Variants in PVT1 observed in about 807,000 individuals in gnomAD.
PVT1 encodes Pvt1 oncogene.
intron 4 of PVT1, among the ~76,000 whole-genome samples, chr8:128,044,011 ATTTATTT>A (rs745327185): frequency 3.1e-5 from 3 of 97,914 alleles, no homozygotes; most frequent in Non-Finnish European, 4.6e-5. Flanking sequence ...ATTATTATTT[ATTTATTT>A]TTTTTTTTTT....
intron 5 of PVT1, among the ~76,000 whole-genome samples, chr8:128,090,391 C>T (rs1244493378): frequency 6.6e-6 from 1 of 152,176 alleles, no homozygotes; most frequent in African/African-American, 2.4e-5. Flanking sequence ...TTACATTTCC[C>T]TTATTGTTCC....
rs202010788 is a variant in PVT1, at chr8:127,881,364, CTTA to C, written n.373-9211_373-9209del. 8.1e-3 allele frequency among the ~76,000 whole-genome samples: 1,220 copies of C among 149,858 alleles called. 15 individuals are homozygous for C. The highest frequency in any genetic ancestry group is 0.011 in the Non-Finnish European group (732 of 67,584). The stretch of plus-strand genomic sequence containing the variant: ...CTCCAGTGGACACATGTTTCTATTC[CTTA>C]TTATTATTATTATCATTTGTTTTTC... On this transcript the variant is annotated intron_variant and non_coding_transcript_variant, in intron 2 of 10. Transcript: ENST00000651587.
At chr8:127,831,323 G>A (rs1252338101) in intron 2 of PVT1, among the ~76,000 whole-genome samples, 2 of 151,954 alleles carry the variant, frequency 1.3e-5, no homozygotes, top group Non-Finnish European at 2.9e-5. Context: ...TGACTCCTAG[G>A]TTTTTGGCAT....
In PVT1 at chr8:127,812,240, A is replaced by C. The variant is rs145329724; in HGVS notation, n.372+16169A>C. Among the ~76,000 whole-genome samples the C allele has an allele frequency of 8.2e-3, 1,046 of 127,792 alleles. 11 individuals are homozygous for C. Among genetic ancestry groups the C allele is most frequent in the African/African-American group, 0.035 (955 of 27,538 alleles). 83.8% of individuals were successfully genotyped at this position (127,792 alleles called of 152,430 possible). On this transcript the variant is annotated intron_variant and non_coding_transcript_variant, in intron 2 of 10. Coordinates refer to ENST00000651587, the Ensembl canonical transcript of PVT1. ...GCAGGAAGGCAGGAAGGCAGGAAGGAAGGAAGGCAGGAAGGCAGGAAGGCA... is the reference window on the plus strand; with the variant it reads ...GCAGGAAGGCAGGAAGGCAGGAAGGCAGGAAGGCAGGAAGGCAGGAAGGCA...
At chr8:127,975,434 A>C (rs1013941897) in intron 3 of PVT1, among the ~76,000 whole-genome samples, 2 of 151,948 alleles carry the variant, frequency 1.3e-5, no homozygotes, top group African/African-American at 4.8e-5. Context: ...GTGTTTACCA[A>C]CTCTCTTTGG....
At chr8:127,850,823 A>T (rs546709834) in intron 2 of PVT1, among the ~76,000 whole-genome samples, 273 of 152,276 alleles carry the variant, frequency 1.8e-3, no homozygotes, top group Non-Finnish European at 3.0e-3. Flanking sequence ...GTTCAAGACC[A>T]GCCTGGCCAA....
chr8:127,972,699 A>G (rs1485421460), intron 3 of PVT1, among the ~76,000 whole-genome samples: 2 of 152,136 alleles, frequency 1.3e-5, no homozygotes, highest in African/African-American at 4.8e-5. Flanking sequence ...AGATCCCGCT[A>G]TTGCACTCTA....
intron 3 of PVT1, among the ~76,000 whole-genome samples, chr8:127,958,229 TTTTTC>T (rs1255175753): frequency 1.3e-5 from 2 of 151,932 alleles, no homozygotes; most frequent in Non-Finnish European, 2.9e-5. Context: ...TCTTTTTTTG[TTTTTC>T]TTTTCTTTTC....
intron 3 of PVT1, among the ~76,000 whole-genome samples, chr8:127,966,122 G>C (rs1208463818): frequency 2.6e-5 from 4 of 152,186 alleles, no homozygotes; most frequent in African/African-American, 9.7e-5. Flanking sequence ...CAATGTAGCT[G>C]ATGGTTTCAT....
Position 128,009,263 on chromosome 8 carries a change from C to T in PVT1, n.912+19972C>T, listed in dbSNP as rs546601757. On this transcript the variant is annotated intron_variant and non_coding_transcript_variant, in intron 4 of 10. Coordinates refer to ENST00000651587, the Ensembl canonical transcript of PVT1. ...AATGACAAGCTTTTCAGAATTTCCA[C>T]GACTAAAAATTGTTTTAGCTGCAGC... 7.2e-5 allele frequency among the ~76,000 whole-genome samples: 11 copies of T among 152,138 alleles called. No homozygotes were observed. In the East Asian group the frequency reaches 7.7e-4, roughly 11 times the overall value.
chr8:128,078,148 T>C lies in PVT1; in HGVS notation n.1114+7787T>C, dbSNP rs370867573. Among the ~76,000 whole-genome samples the C allele has an allele frequency of 4.9e-4, 74 of 152,266 alleles. 1 individual carries two copies. Among genetic ancestry groups the C allele is most frequent in the African/African-American group, 1.7e-3 (71 of 41,552 alleles). On this transcript the variant is annotated intron_variant and non_coding_transcript_variant, in intron 5 of 10. Coordinates refer to ENST00000651587, the Ensembl canonical transcript of PVT1. ...TGTCCACGATTAGAAATGTCACACG[T>C]TGGAAGATGTAGGGTTCTGAGGAGA...
intron 3 of PVT1, among the ~76,000 whole-genome samples, chr8:127,891,366 A>T (rs1000665560): frequency 3.9e-5 from 6 of 152,336 alleles, no homozygotes; most frequent in African/African-American, 1.2e-4. Context: ...GGGAGATTCA[A>T]TGGAAAGATA....
chr8:127,855,452 A>T lies in PVT1; in HGVS notation n.373-35137A>T, dbSNP rs192237156. 9.3e-5 allele frequency: 34 copies of T among 367,560 alleles called. No homozygotes were observed. The East Asian group carries it at 1.1e-3, about 12-fold the overall frequency. 22.8% of individuals were successfully genotyped at this position (367,560 alleles called of 1,614,324 possible). A position where few individuals can be genotyped will look rare whatever the true frequency, so the allele number is the denominator to read the frequency against. On this transcript the variant is annotated intron_variant and non_coding_transcript_variant, in intron 2 of 10. Transcript: ENST00000651587. ...GCCTTAGAGAAACCCTCTAGGGTTC[A>T]GGTTCCAGCTTCACCCTCCTTTAGT...
intron 2 of PVT1, among the ~76,000 whole-genome samples, chr8:127,812,239 G>C (rs1814603887): frequency 7.8e-6 from 1 of 128,474 alleles, no homozygotes; most frequent in African/African-American, 3.7e-5. Context: ...AGGCAGGAAG[G>C]AAGGAAGGCA....
chr8:128,011,674 G>A (rs766642378), intron 4 of PVT1, among the ~76,000 whole-genome samples: 41 of 152,340 alleles, frequency 2.7e-4, no homozygotes, highest in Non-Finnish European at 4.9e-4. Context: ...GGCCGTCTTA[G>A]CTTCACAGAG....
intron 2 of PVT1, among the ~76,000 whole-genome samples, chr8:127,801,917 T>TTTATTTATTTAC (rs1814469296): frequency 1.3e-5 from 2 of 149,292 alleles, no homozygotes; most frequent in East Asian, 3.9e-4. Flanking sequence ...TATTTATTTA[T>TTTATTTATTTAC]TTATTTATTT....
intron 2 of PVT1, among the ~76,000 whole-genome samples, chr8:127,826,005 CA>C (rs1814783793): frequency 7.1e-6 from 1 of 141,278 alleles, no homozygotes; most frequent in African/African-American, 2.7e-5. Flanking sequence ...AGTGTGCCAC[CA>C]TGCCCAGCTT....
intron 2 of PVT1, among the ~76,000 whole-genome samples, chr8:127,840,500 A>C (rs1278734860): frequency 6.6e-6 from 1 of 152,264 alleles, no homozygotes; most frequent in Non-Finnish European, 1.5e-5. Flanking sequence ...GTTCCAGTGG[A>C]AAACTTTTAC....
chr8:127,877,360 A>G (rs1396578119), intron 2 of PVT1, among the ~76,000 whole-genome samples: 1 of 152,222 alleles, frequency 6.6e-6, no homozygotes. Flanking sequence ...GTGAGGATAC[A>G]TGGGGATTAA....
Sources: gnomAD v4.1 joint callset for allele counts (sites outside exome capture counted in the v4.1 genomes callset) on GRCh38, gnomAD v4.1.1 for gene constraint, MANE v1.5 for transcripts, NCBI Gene and HGNC (gene_info 2026-07-23, HGNC 2026-07-21) for gene names.